The following INTS5 variants were observed in gnomAD, a reference collection of about 807,000 sequenced individuals.
The protein encoded by INTS5 is integrator complex subunit 5.
Under a neutral mutation model 60.0 loss-of-function variants are expected in INTS5, and 29 were observed. That is an observed-to-expected ratio of 0.48 (90% CI 0.36 to 0.66). INTS5 has a LOEUF of 0.66. Ranked by LOEUF, INTS5 falls within the 30% of genes least tolerant of loss-of-function variation. INTS5 has a pLI of 0.00. For missense variants in INTS5, 1,129 were observed against 1,307.9 expected (o/e 0.86, Z 2.11); for synonymous variants, 588 against 558.8 (o/e 1.05, Z -0.74).
At chr11:62,653,107 GAGA>G in intron 1 of INTS5, 60 bp downstream of exon 1, 10 of 1,044,806 alleles carry the variant, frequency 9.6e-6, no homozygotes, top group Non-Finnish European at 1.2e-5. Flanking sequence ...GGTTTCTACC[GAGA>G]AGGCTAGGGA....
In INTS5 at chr11:62,647,400, G is replaced by A. The variant is rs1479683562; in HGVS notation, c.2680C>T (p.His894Tyr). 1.9e-6 allele frequency: 3 copies of A among 1,612,032 alleles called. No individual in the cohort carries two copies. Among genetic ancestry groups the A allele is most frequent in the East Asian group, 4.5e-5 (2 of 44,866 alleles). Residue 894 changes from histidine to tyrosine, a missense_variant, in exon 2 of 2, where the codon CAC (histidine) becomes TAC (tyrosine). Coordinates refer to ENST00000330574, the MANE Select transcript of INTS5 (RefSeq NM_030628.2). ...CAGGGGGAGTGGGTCGTGTCAGGGT[G>A]GCGAGAGGCTTCCCAATGGCCCAAG... The part of the protein sequence containing the change: ...ALLGHWEASR[H>Y]PDTTHSPWHL...
Position 62,649,621 on chromosome 11 carries a change from C to T in INTS5, c.459G>A (p.Gly153=). The change falls in exon 2 of 2, where the codon GGG becomes GGA. Residue 153 remains glycine, a synonymous_variant. Coordinates refer to ENST00000330574, the MANE Select transcript of INTS5 (RefSeq NM_030628.2). The surrounding 1 kb of genome is among the most constrained non-coding windows in gnomAD (Gnocchi z 6.0). ...GGCCTGAGTACGTGCTGCTCAGTTG[C>T]CCCATGAGGTCAATGGACCATGCAC... ...VISAWSIDLM[G]QLSSTYSGQH... is the part of the protein sequence containing the mutation. The T allele has an allele frequency of 6.2e-7, 1 of 1,614,128 alleles. No homozygotes were observed. The highest frequency in any genetic ancestry group is 8.5e-7 in the Non-Finnish European group (1 of 1,180,026).
chr11:62,653,076 G>GA, intron 1 of INTS5, 94 bp downstream of exon 1: 1 of 757,012 alleles, frequency 1.3e-6, no homozygotes, highest in Non-Finnish European at 1.8e-6. Context: ...ACCCTGACGT[G>GA]AGTTCTCGAG....
intron 1 of INTS5, among the ~76,000 whole-genome samples, chr11:62,650,395 C>T (rs1944584243): frequency 6.6e-6 from 1 of 151,684 alleles, no homozygotes; most frequent in East Asian, 1.9e-4. Context: ...GGATTACAGG[C>T]GTGAGCCACC....
intron 1 of INTS5, among the ~76,000 whole-genome samples, chr11:62,650,368 G>A (rs1181604190): frequency 2.0e-5 from 3 of 151,758 alleles, no homozygotes; most frequent in Non-Finnish European, 4.4e-5. Flanking sequence ...CGTCCTCCTC[G>A]GCCTCCAAAA....
At position 62,652,233 on chromosome 11, in the gene INTS5, C is replaced by T. The variant is rs916823329; in HGVS notation, c.80+937G>A. Among the ~76,000 whole-genome samples the T allele has an allele frequency of 1.1e-4, 16 of 151,554 alleles. No homozygotes were observed. The East Asian group carries it at 1.2e-3, about 11-fold the overall frequency. ...ACTCAGGAGGCTGAGGCATGAGAAT[C>T]GCTTGAACCCAGGAGGCGGAGGTTG... is the stretch of plus-strand genomic sequence containing the variant. On this transcript the variant is annotated intron_variant, in intron 1 of 1. Coordinates refer to ENST00000330574, the MANE Select transcript of INTS5 (RefSeq NM_030628.2).
In INTS5 at chr11:62,649,126, A is replaced by G; in HGVS notation, c.954T>C (p.His318=). The change falls in exon 2 of 2, where the codon CAT becomes CAC. Residue 318 remains histidine, a synonymous_variant. Coordinates refer to ENST00000330574, the MANE Select transcript of INTS5 (RefSeq NM_030628.2). The surrounding 1 kb of genome is among the most constrained non-coding windows in gnomAD (Gnocchi z 6.0). The stretch of plus-strand genomic sequence containing the variant: ...CTCCAGATCCCCCTGCCAGGCTATC[A>G]TGGAACATTCGCAGGAGCTCCCGTC... The part of the protein sequence containing the change: ...SIRRELLRMF[H]DSLAGGSGGR... The G allele has an allele frequency of 6.2e-7, 1 of 1,612,710 alleles. No homozygotes were observed. Among genetic ancestry groups the G allele is most frequent in the South Asian group, 1.1e-5 (1 of 91,046 alleles).
In INTS5 at chr11:62,648,939, G is replaced by A; in HGVS notation, c.1141C>T (p.Arg381Ter). The A allele has an allele frequency of 2.5e-6, 4 of 1,612,592 alleles. No homozygotes were observed. Among genetic ancestry groups the A allele is most frequent in the African/African-American group, 1.3e-5 (1 of 75,022 alleles). ...TTCAACATGTTGTCCAGCTCCTCTCGGGGGAATCCTTGAAGGTGTTGCTGC... is the reference window on the plus strand; with the variant it reads ...TTCAACATGTTGTCCAGCTCCTCTCAGGGGAATCCTTGAAGGTGTTGCTGC... Reference protein sequence around the residue: ...QLQQHLQGFPREELDNMLNLA... With the variant: ...QLQQHLQGFP The change falls in exon 2 of 2, where the codon CGA becomes TGA. Residue 381 changes from arginine (R) to a stop codon, truncating the protein, a stop_gained. Coordinates refer to ENST00000330574, the MANE Select transcript of INTS5 (RefSeq NM_030628.2). LOFTEE classifies it high-confidence loss of function. The surrounding 1 kb of genome is among the most constrained non-coding windows in gnomAD (Gnocchi z 4.4).
Position 62,647,123 on chromosome 11 carries a change from G to C in INTS5, c.2957C>G (p.Ala986Gly). ...GCGGTGGAGGACACTGTGCAGCACA[G>C]CCAGATGGGGTCCACCCTCACCTCC... is the stretch of plus-strand genomic sequence containing the variant. ...EGGGEGGPHL[A>G]VLHSVLHRNI... Residue 986 changes from alanine (A) to glycine (G), a missense_variant, in exon 2 of 2, where the codon GCT (alanine) becomes GGT (glycine). Transcript: ENST00000330574. The C allele has an allele frequency of 6.2e-7, 1 of 1,614,182 alleles. No homozygotes were observed. The highest frequency in any genetic ancestry group is 2.2e-5 in the East Asian group (1 of 44,874).
At chr11:62,652,588 AT>A in intron 1 of INTS5, among the ~76,000 whole-genome samples, 1 of 152,008 alleles carries the variant, frequency 6.6e-6, no homozygotes, top group Non-Finnish European at 1.5e-5. Flanking sequence ...CAGAGTAATA[AT>A]GCTTTTCAAC....
Position 62,648,933 on chromosome 11 carries a change from C to G in INTS5, c.1147G>C (p.Glu383Gln), listed in dbSNP as rs1445160447. Residue 383 changes from glutamate to glutamine, a missense_variant, in exon 2 of 2, where the codon GAG becomes CAG. Coordinates refer to ENST00000330574, the MANE Select transcript of INTS5 (RefSeq NM_030628.2). This position sits in a 1 kb window ranked among gnomAD's most constrained non-coding sequence, Gnocchi z 4.4. ...QQHLQGFPRE[E>Q]LDNMLNLAVH... ...GCCAGGTTCAACATGTTGTCCAGCT[C>G]CTCTCGGGGGAATCCTTGAAGGTGT... 7 of 1,612,976 alleles carry G rather than the reference C, an allele frequency of 4.3e-6. No individual in the cohort carries two copies. Among genetic ancestry groups the G allele is most frequent in the Non-Finnish European group, 5.9e-6 (7 of 1,179,422 alleles).
intron 1 of INTS5, 58 bp downstream of exon 1, chr11:62,653,112 G>T: frequency 9.3e-7 from 1 of 1,073,786 alleles, no homozygotes. Flanking sequence ...CTACCGAGAA[G>T]GCTAGGGATC....
chr11:62,648,004 C>T lies in INTS5; in HGVS notation c.2076G>A (p.Leu692=), dbSNP rs200686935. ...TGCCTCGATGTAAGGCTCCTTCAAC[C>T]AGCAGCTGCAGGACAGCCTTGAGCC... ...PAGLKAVLQL[L]VEGALHRGNT... Residue 692 remains leucine (L), a synonymous_variant, in exon 2 of 2, where the codon CTG becomes CTA. Transcript: ENST00000330574. The surrounding 1 kb of genome is among the most constrained non-coding windows in gnomAD (Gnocchi z 4.4). 7.1e-5 allele frequency: 115 copies of T among 1,614,078 alleles called. No individual in the cohort carries two copies. Among genetic ancestry groups the T allele is most frequent in the Non-Finnish European group, 9.3e-5 (110 of 1,180,034 alleles).
rs370052539 is a variant in INTS5 at position 62,647,124 on chromosome 11, C to A, written c.2956G>T (p.Ala986Ser). 4.3e-6 allele frequency: 7 copies of A among 1,614,168 alleles called. No homozygotes were observed. The highest frequency in any genetic ancestry group is 4.0e-5 in the African/African-American group (3 of 75,046). The change falls in exon 2 of 2, where the codon GCT (alanine) becomes TCT (serine). Residue 986 changes from alanine to serine, a missense_variant. Physicochemically the swap from Ala to Ser is moderately conservative, Grantham distance 99. This residue lies in a region of INTS5 where 1,070 missense variants were observed against 1,246.1 expected (regional missense o/e 0.86). Coordinates refer to ENST00000330574, the MANE Select transcript of INTS5 (RefSeq NM_030628.2). ...EGGGEGGPHLAVLHSVLHRNI... is the reference protein window; with the variant it reads ...EGGGEGGPHLSVLHSVLHRNI... Reference sequence around the variant, plus strand: ...CGGTGGAGGACACTGTGCAGCACAGCCAGATGGGGTCCACCCTCACCTCCA... The same window carrying A: ...CGGTGGAGGACACTGTGCAGCACAGACAGATGGGGTCCACCCTCACCTCCA...
chr11:62,647,852 C>A lies in INTS5; in HGVS notation c.2228G>T (p.Gly743Val). 6.2e-7 allele frequency: 1 copy of A among 1,614,234 alleles called. No individual in the cohort carries two copies. Among genetic ancestry groups the A allele is most frequent in the Non-Finnish European group, 8.5e-7 (1 of 1,180,032 alleles). ...RRHTAAVPGP[G>V]GIWSVFHAGV... ...AGCATGGAAAACTGACCAAATCCCTCCAGGACCTGGCACAGCTGCAGTGTG... is the reference window on the plus strand; with the variant it reads ...AGCATGGAAAACTGACCAAATCCCTACAGGACCTGGCACAGCTGCAGTGTG... Residue 743 changes from glycine to valine, a missense_variant, in exon 2 of 2, where the codon GGA becomes GTA. Transcript: ENST00000330574.
At position 62,647,421 on chromosome 11, in the gene INTS5, C is replaced by G. The variant is rs1339818595; in HGVS notation, c.2659G>C (p.Gly887Arg). 6.2e-7 allele frequency: 1 copy of G among 1,610,110 alleles called. No individual in the cohort carries two copies. The highest frequency in any genetic ancestry group is 8.5e-7 in the Non-Finnish European group (1 of 1,177,734). ...GGGTGGCGAGAGGCTTCCCAATGGCCCAAGAGGGCGGCCAGCAGCCCCCGA... is the reference window on the plus strand; with the variant it reads ...GGGTGGCGAGAGGCTTCCCAATGGCGCAAGAGGGCGGCCAGCAGCCCCCGA... ...LLRGLLAALL[G>R]HWEASRHPDT... The change falls in exon 2 of 2, where the codon GGC becomes CGC. Residue 887 changes from glycine to arginine, a missense_variant. Transcript: ENST00000330574.
In INTS5 at chr11:62,648,852, G is replaced by C. The variant is rs774941934; in HGVS notation, c.1228C>G (p.Leu410Val). The change falls in exon 2 of 2, where the codon CTG (leucine) becomes GTG (valine). Residue 410 changes from leucine to valine, a missense_variant. Leu to Val is a conservative substitution (Grantham distance 32). Transcript: ENST00000330574. The surrounding 1 kb of genome is among the most constrained non-coding windows in gnomAD (Gnocchi z 4.4). ...GAAGCAGGCATAGCTGTGTCCACCA[G>C]GAACTGCAGCAAGCGGTAGGCACCT... ...GAGAYRLLQF[L>V]VDTAMPASVI... 2 of 1,614,030 alleles carry C rather than the reference G, an allele frequency of 1.2e-6. No individual in the cohort carries two copies. The highest frequency in any genetic ancestry group is 1.7e-6 in the Non-Finnish European group (2 of 1,180,036).
chr11:62,650,956 GCCT>G (rs1426243539), intron 1 of INTS5, among the ~76,000 whole-genome samples: 11 of 152,078 alleles, frequency 7.2e-5, no homozygotes, highest in African/African-American at 2.7e-4. Context: ...GCCCACCTTA[GCCT>G]CCCAAAGTGC....
chr11:62,649,725 C>G lies in INTS5; in HGVS notation c.355G>C (p.Glu119Gln), dbSNP rs896552186. ...TGCTGCACTTCCTGAACCACATCCT[C>G]TAGACCAGGTCCACCAGCAGGGACA... ...SHVPAGGPGL[E>Q]DVVQEVQQVL... is the part of the protein sequence containing the mutation. The change falls in exon 2 of 2, where the codon GAG becomes CAG. Residue 119 changes from glutamate to glutamine, a missense_variant. Around this residue, in one of 3 missense-constraint regions of INTS5, gnomAD observed 1,070 missense variants for 1,246.1 expected, o/e 0.86. Transcript: ENST00000330574. The surrounding 1 kb of genome is among the most constrained non-coding windows in gnomAD (Gnocchi z 6.0). 1.9e-6 allele frequency: 3 copies of G among 1,614,238 alleles called. No homozygotes were observed. Among genetic ancestry groups the G allele is most frequent in the Non-Finnish European group, 2.5e-6 (3 of 1,180,048 alleles).
Sources: gnomAD v4.1 joint callset for allele counts (sites outside exome capture counted in the v4.1 genomes callset) on GRCh38, gnomAD v4.1.1 for gene constraint, gnomAD v4.1.1 regional missense constraint, Gnocchi (gnomAD v3.1) non-coding constraint, MANE v1.5 for transcripts, NCBI Gene and HGNC (gene_info 2026-07-23, HGNC 2026-07-21) for gene names.